The following SMG7 variants were observed in gnomAD, a reference collection of about 807,000 sequenced individuals.
SMG7 encodes the protein SMG7 nonsense mediated mRNA decay factor.
A neutral mutation model predicts 148.2 loss-of-function variants in SMG7; 34 were observed. That is an observed-to-expected ratio of 0.23 (90% CI 0.17 to 0.31). The LOEUF (loss-of-function observed/expected upper bound fraction) is 0.31. Ranked by LOEUF, SMG7 falls within the 10% of genes least tolerant of loss-of-function variation. SMG7 has a pLI of 1.00. For synonymous variants in SMG7, 492 were observed against 515.1 expected (o/e 0.96, Z 0.61); for missense variants, 1,114 against 1,408.4 (o/e 0.79, Z 3.35).
chr1:183,502,501 A>AT, intron 1 of SMG7: 1 of 921,200 alleles, frequency 1.1e-6, no homozygotes, highest in Non-Finnish European at 1.5e-6. Flanking sequence ...GAAACATTTG[A>AT]TTTTGGCCAA....
chr1:183,534,002 A>C (rs1047059430), intron 10 of SMG7, among the ~76,000 whole-genome samples, 170 bp downstream of exon 10: 1 of 152,146 alleles, frequency 6.6e-6, no homozygotes, highest in Non-Finnish European at 1.5e-5. Context: ...TCATTTGTTT[A>C]TTTGAATTCT....
intron 10 of SMG7, 39 bp downstream of exon 10, chr1:183,533,871 T>C (rs374908431): frequency 2.6e-4 from 398 of 1,555,446 alleles, no homozygotes; most frequent in Non-Finnish European, 3.3e-4. Flanking sequence ...TTGTGTGCTT[T>C]GTTTGTTTGA....
intron 1 of SMG7, among the ~76,000 whole-genome samples, chr1:183,474,437 G>A (rs984723211): frequency 2.0e-5 from 3 of 152,156 alleles, no homozygotes; most frequent in South Asian, 2.1e-4. Flanking sequence ...GGTGGTGGGC[G>A]CCTGTAATGC....
chr1:183,544,909 C>G (rs1297647874), intron 15 of SMG7, 21 bp from the exon 16 acceptor site: 1 of 1,595,888 alleles, frequency 6.3e-7, no homozygotes, highest in Non-Finnish European at 8.5e-7. Context: ...AAAACTAAAG[C>G]TGTGTTCTTC....
intron 1 of SMG7, among the ~76,000 whole-genome samples, chr1:183,490,702 T>G (rs1441426206): frequency 6.6e-6 from 1 of 152,210 alleles, no homozygotes; most frequent in African/African-American, 2.4e-5. Context: ...TTATTTTAAA[T>G]GTATAGTTAA....
chr1:183,473,293 T>G (rs2101978892), intron 1 of SMG7, among the ~76,000 whole-genome samples: 1 of 151,708 alleles, frequency 6.6e-6, no homozygotes, highest in Middle Eastern at 3.4e-3. Context: ...CAAGGTTGGG[T>G]TTTTCAGAAG....
intron 1 of SMG7, among the ~76,000 whole-genome samples, chr1:183,489,520 A>G (rs137879632): frequency 2.3e-4 from 35 of 152,276 alleles, no homozygotes; most frequent in Non-Finnish European, 4.3e-4. Flanking sequence ...GATGTTGACC[A>G]TAGAGAAATA....
At chr1:183,502,770 G>C (rs543117002) in intron 1 of SMG7, among the ~76,000 whole-genome samples, 2 of 152,314 alleles carry the variant, frequency 1.3e-5, no homozygotes, top group East Asian at 3.9e-4. Context: ...TAAATCATGT[G>C]AGTGCAGGTA....
Position 183,546,110 on chromosome 1 carries a change from G to C in SMG7, c.2515G>C (p.Val839Leu), listed in dbSNP as rs1450811385. Reference protein sequence around the residue: ...KLFEPSLQPPVMQQQPLEKKM... With the variant: ...KLFEPSLQPPLMQQQPLEKKM... ...GTTTGAGCCGTCATTGCAACCTCCT[G>C]TAATGCAGCAGCAGCCTCTAGAAAA... The change falls in exon 17 of 23, where the codon GTA becomes CTA. Residue 839 changes from valine to leucine, a missense_variant. Val to Leu is a conservative substitution (Grantham distance 32, BLOSUM62 1). Around this residue, in one of 4 missense-constraint regions of SMG7, gnomAD observed 788 missense variants for 894.5 expected, o/e 0.88. Coordinates refer to ENST00000688051, the MANE Select transcript of SMG7 (RefSeq NM_001375584.1). 1 of 1,613,730 alleles carries C rather than the reference G, an allele frequency of 6.2e-7. No homozygotes were observed. The highest frequency in any genetic ancestry group is 1.1e-5 in the South Asian group (1 of 91,074).
In SMG7 at chr1:183,549,822, G is replaced by A; in HGVS notation, c.3032G>A (p.Ser1011Asn). ...GTATATGGGAAAAACCTGACATCCA[G>A]CTCCAAAGCAGAACTCAGTCCCTCA... The part of the protein sequence containing the change: ...NEVYGKNLTS[S>N]SKAELSPSMA... Residue 1011 changes from serine (S) to asparagine (N), a missense_variant, in exon 20 of 23, where the codon AGC (serine) becomes AAC (asparagine). By Grantham distance (46) the Ser-to-Asn change is conservative (BLOSUM62 1). This residue lies in a region of SMG7 where 788 missense variants were observed against 894.5 expected (regional missense o/e 0.88). Transcript: ENST00000688051. 6.2e-7 allele frequency: 1 copy of A among 1,613,720 alleles called. No individual in the cohort carries two copies. The highest frequency in any genetic ancestry group is 8.5e-7 in the Non-Finnish European group (1 of 1,179,716).
chr1:183,552,837 G>A lies in SMG7; in HGVS notation c.*906G>A, dbSNP rs1202953871. The A allele has an allele frequency of 4.3e-5, 61 of 1,433,742 alleles. No individual in the cohort carries two copies. The Middle Eastern group carries it at 1.0e-3, about 24-fold the overall frequency. The allele number at this position is 1,433,742 out of a possible 1,614,324, so 88.8% of individuals were successfully genotyped here. A position where few individuals can be genotyped will look rare whatever the true frequency, so the allele number is the denominator to read the frequency against. On this transcript the variant is annotated 3_prime_UTR_variant, in exon 23 of 23. Transcript: ENST00000688051. Reference sequence around the variant, plus strand: ...CTAATAGGTAGAAGCTTTCAGTGTGGTTATTTTTTCTTTGGTTGGTTTTTG... The same window carrying A: ...CTAATAGGTAGAAGCTTTCAGTGTGATTATTTTTTCTTTGGTTGGTTTTTG...
In SMG7 at chr1:183,513,661, C is replaced by T. The variant is rs1046020809; in HGVS notation, c.61+793C>T. Among the ~76,000 whole-genome samples the T allele has an allele frequency of 4.6e-5, 7 of 152,172 alleles. No individual in the cohort carries two copies. The East Asian group carries it at 5.8e-4, about 13-fold the overall frequency. ...CTGGGATTATAGGCGTGAGCCACTG[C>T]GCCTGGCCATCTTTGTTGCTTTAAA... is the stretch of plus-strand genomic sequence containing the variant. On this transcript the variant is annotated intron_variant, in intron 2 of 22. Coordinates refer to ENST00000688051, the MANE Select transcript of SMG7 (RefSeq NM_001375584.1).
chr1:183,484,420 A>T, intron 1 of SMG7, among the ~76,000 whole-genome samples: 1 of 148,044 alleles, frequency 6.8e-6, no homozygotes. Flanking sequence ...ACTCACCGAT[A>T]GAGGGCCAGC....
rs749829061 is a variant in SMG7, at chr1:183,552,493, C to G, written c.*562C>G. ...AGCAAGGAAAGCCCCGTTCACTGCT[C>G]CTGTGAGAGGTTGGTGGTGACAGGA... On this transcript the variant is annotated 3_prime_UTR_variant, in exon 23 of 23. Transcript: ENST00000688051. 2 of 996,644 alleles carry G rather than the reference C, an allele frequency of 2.0e-6. No individual in the cohort carries two copies. Among genetic ancestry groups the G allele is most frequent in the Non-Finnish European group, 2.4e-6 (2 of 836,290 alleles). 61.7% of individuals were successfully genotyped at this position (996,644 alleles called of 1,614,324 possible).
rs1445309898 is a variant in SMG7, at chr1:183,547,272, C to G, written c.2892+20C>G. ...CTTTTTGTATGTATTTGACATAATT[C>G]TGCTTCTTGGTCTAACCCCCAGCTG... On this transcript the variant is annotated intron_variant, in intron 18 of 22. Transcript: ENST00000688051. 13 of 1,545,328 alleles carry G rather than the reference C, an allele frequency of 8.4e-6. No homozygotes were observed. Among genetic ancestry groups the G allele is most frequent in the Non-Finnish European group, 1.1e-5 (13 of 1,144,298 alleles).
chr1:183,472,792 G>A, intron 1 of SMG7, 143 bp downstream of exon 1: 5 of 684,338 alleles, frequency 7.3e-6, no homozygotes, highest in Non-Finnish European at 1.1e-5. Flanking sequence ...GACTGCAAGG[G>A]GATCTGCGGG....
At chr1:183,551,776 TG>T in intron 22 of SMG7, 41 bp from the exon 23 acceptor site, 4 of 1,480,984 alleles carry the variant, frequency 2.7e-6, no homozygotes, top group Non-Finnish European at 3.7e-6. Context: ...TCAGACAACT[TG>T]GCATTTGACC....
intron 18 of SMG7, among the ~76,000 whole-genome samples, chr1:183,548,081 A>C (rs1283533185): frequency 6.6e-6 from 1 of 152,208 alleles, no homozygotes; most frequent in East Asian, 1.9e-4. Context: ...GCAAGAACAC[A>C]TTCGTAAAAT....
At chr1:183,515,783 A>G in intron 2 of SMG7, 91 bp from the exon 3 acceptor site, 1 of 668,256 alleles carries the variant, frequency 1.5e-6, no homozygotes, top group Non-Finnish European at 2.6e-6. Flanking sequence ...TGCCTTGGGG[A>G]TAGAGCAGGA....
Sources: allele counts gnomAD v4.1 joint callset (sites outside exome capture counted in the v4.1 genomes callset), GRCh38; gene constraint gnomAD v4.1.1; regional missense constraint gnomAD v4.1.1; transcripts MANE v1.5; gene names NCBI Gene and HGNC (gene_info 2026-07-23, HGNC 2026-07-21).